ZNF257: variants seen among roughly 807,000 people sequenced by gnomAD.
ZNF257 encodes bone marrow zinc finger 4.
Under a neutral mutation model 11.9 loss-of-function variants are expected in ZNF257, and 12 were observed. That is an observed-to-expected ratio of 1.01 (90% CI 0.65 to 1.63). ZNF257 has a LOEUF of 1.63. Among genes scored for constraint, ZNF257 ranks in the 40% most tolerant of loss-of-function variants. The pLI, the probability that ZNF257 is intolerant of heterozygous loss-of-function variation, is 0.00. For missense variants in ZNF257, 580 were observed against 665.5 expected (o/e 0.87, Z 1.41); for synonymous variants, 183 against 222.7 (o/e 0.82, Z 1.59).
At position 22,073,478 on chromosome 19, in the gene ZNF257, T is replaced by C. The variant is rs753995287; in HGVS notation, c.140T>C (p.Val47Ala). 120 of 1,606,414 alleles carry C rather than the reference T, an allele frequency of 7.5e-5. 2 individuals are homozygous for C. In the East Asian group the frequency reaches 2.5e-3, roughly 34 times the overall value. ...YRNLVFLGIAVSKPDLITCLE... is the reference protein window; with the variant it reads ...YRNLVFLGIAASKPDLITCLE... ...TATTTTTAAAAAACAGGTATTGCTG[T>C]CTCTAAGCCAGACCTGATCACCTGT... Residue 47 changes from valine to alanine, a missense_variant, in exon 3 of 4, where the codon GTC (valine) becomes GCC (alanine). Transcript: ENST00000594947.
At chr19:22,087,446 A>C in intron 3 of ZNF257, 136 of 485,618 alleles carry the variant, frequency 2.8e-4, no homozygotes, top group South Asian at 4.2e-4. Flanking sequence ...TGTCTGTGGT[A>C]CTGCAGTCTG....
At chr19:22,069,622 TAAAAAC>T (rs2022048765) in intron 1 of ZNF257, among the ~76,000 whole-genome samples, 3 of 138,644 alleles carry the variant, frequency 2.2e-5, no homozygotes, top group African/African-American at 9.4e-5. Flanking sequence ...GACTCTGTCT[TAAAAAC>T]AAAAAAACAA....
At chr19:22,077,860 T>C (rs2022262879) in intron 3 of ZNF257, among the ~76,000 whole-genome samples, 2 of 152,066 alleles carry the variant, frequency 1.3e-5, no homozygotes, top group Non-Finnish European at 2.9e-5. Context: ...AAATAATGGC[T>C]ACGCTCCTGA....
At chr19:22,078,236 TAAAAAAAAA>T (rs56056830) in intron 3 of ZNF257, among the ~76,000 whole-genome samples, 1 of 102,152 alleles carries the variant, frequency 9.8e-6, no homozygotes, top group African/African-American at 3.5e-5. Flanking sequence ...AGACTCCAAC[TAAAAAAAAA>T]AAAAAAAAAA....
intron 1 of ZNF257, among the ~76,000 whole-genome samples, chr19:22,058,720 TGA>T (rs1426055379): frequency 1.3e-5 from 2 of 152,004 alleles, no homozygotes; most frequent in African/African-American, 4.8e-5. Context: ...CCTCCCAGGG[TGA>T]GAGAGGACTG....
At chr19:22,074,067 C>CT (rs34762841) in intron 3 of ZNF257, among the ~76,000 whole-genome samples, 13 of 150,170 alleles carry the variant, frequency 8.7e-5, no homozygotes, top group South Asian at 2.1e-4. Context: ...TGTCATTCTG[C>CT]TTTTTTTTTC....
rs763465801 is a variant in ZNF257 at position 22,088,540 on chromosome 19, A to T, written c.790A>T (p.Lys264Ter). ...EKPYKCEECG[K>*]AFNRSSHITQ... ...ACCCTACAAATGTGAAGAGTGTGGC[A>T]AAGCCTTTAACCGGTCTTCACACAT... Residue 264 changes from lysine (K) to a stop codon, truncating the protein, a stop_gained, in exon 4 of 4, where the codon AAA becomes TAA. Coordinates refer to ENST00000594947, the MANE Select transcript of ZNF257 (RefSeq NM_033468.4). LOFTEE classifies it low-confidence loss of function (END_TRUNC). 7.4e-6 allele frequency: 12 copies of T among 1,613,726 alleles called. 1 individual carries two copies. The South Asian group carries it at 1.3e-4, about 18-fold the overall frequency.
rs544081077 is a variant in ZNF257, at chr19:22,064,489, G to A, written c.4-8320G>A. ...ATATCAAAGCTTATTTTAAAAACAC[G>A]CAAAAGTGGAGCACAAAAATAGGAT... On this transcript the variant is annotated intron_variant, in intron 1 of 3. Transcript: ENST00000594947. Among the ~76,000 whole-genome samples, 21 of 152,116 alleles carry A rather than the reference G, an allele frequency of 1.4e-4. No homozygotes were observed. The South Asian group carries it at 4.4e-3, about 32-fold the overall frequency.
At chr19:22,061,633 T>TTC (rs2021796583) in intron 1 of ZNF257, among the ~76,000 whole-genome samples, 1 of 152,012 alleles carries the variant, frequency 6.6e-6, no homozygotes, top group African/African-American at 2.4e-5. Context: ...TTTTTTTTTT[T>TTC]CTCACCTGAT....
chr19:22,053,366 CAAAAAAAAAAAAA>C (rs61426953), intron 1 of ZNF257, among the ~76,000 whole-genome samples: 1 of 76,484 alleles, frequency 1.3e-5, no homozygotes, highest in Non-Finnish European at 2.6e-5. Flanking sequence ...GACTCCGTCT[CAAAAAAAAAAAAA>C]AAAAAAAAAA....
At chr19:22,084,064 C>T (rs989639268) in intron 3 of ZNF257, among the ~76,000 whole-genome samples, 1 of 151,010 alleles carries the variant, frequency 6.6e-6, no homozygotes, top group Non-Finnish European at 1.5e-5. Context: ...TGCTTGAACC[C>T]GGGAAGCAGA....
intron 3 of ZNF257, among the ~76,000 whole-genome samples, chr19:22,080,487 T>C (rs963076313): frequency 2.6e-5 from 4 of 152,134 alleles, no homozygotes; most frequent in African/African-American, 9.7e-5. Context: ...TACCAGTTAC[T>C]CTTGGCCTTC....
At chr19:22,084,294 T>C (rs1284791979) in intron 3 of ZNF257, among the ~76,000 whole-genome samples, 3 of 152,054 alleles carry the variant, frequency 2.0e-5, no homozygotes, top group Non-Finnish European at 2.9e-5. Flanking sequence ...AATGACTCTT[T>C]ATATGACCAT....
At chr19:22,074,643 G>GC (rs1457588558) in intron 3 of ZNF257, 6 of 152,004 alleles carry the variant, frequency 3.9e-5, no homozygotes, top group African/African-American at 1.5e-4. Context: ...TGAGCACCGC[G>GC]CCCGGCCAGA....
At chr19:22,064,821 C>T (rs1373539526) in intron 1 of ZNF257, among the ~76,000 whole-genome samples, 2 of 152,014 alleles carry the variant, frequency 1.3e-5, no homozygotes, top group Non-Finnish European at 2.9e-5. Flanking sequence ...TTTGGGAGGC[C>T]GAGGTGGGCA....
At chr19:22,067,697 T>C (rs2021989482) in intron 1 of ZNF257, among the ~76,000 whole-genome samples, 1 of 151,874 alleles carries the variant, frequency 6.6e-6, no homozygotes, top group African/African-American at 2.4e-5. Context: ...TAGCTGGGCA[T>C]GGTGGTGGGC....
At position 22,089,059 on chromosome 19, in the gene ZNF257, G is replaced by A; in HGVS notation, c.1309G>A (p.Gly437Ser). The A allele has an allele frequency of 6.2e-7, 1 of 1,613,074 alleles. No individual in the cohort carries two copies. Among genetic ancestry groups the A allele is most frequent in the Non-Finnish European group, 8.5e-7 (1 of 1,179,766 alleles). ...GAAACCCTACAAATGTGAAGAGTGT[G>A]GCAAAGCCTTTAACCGGTCTTCATA... ...GEKPYKCEEC[G>S]KAFNRSSYLI... is the part of the protein sequence containing the mutation. Residue 437 changes from glycine to serine, a missense_variant, in exon 4 of 4, where the codon GGC (glycine) becomes AGC (serine). Gly to Ser is a moderately conservative substitution (Grantham distance 56). Coordinates refer to ENST00000594947, the MANE Select transcript of ZNF257 (RefSeq NM_033468.4).
intron 3 of ZNF257, among the ~76,000 whole-genome samples, chr19:22,077,118 A>G (rs546219907): frequency 6.6e-6 from 1 of 152,298 alleles, no homozygotes; most frequent in Admixed American, 6.5e-5. Context: ...TGTTGAGACC[A>G]GCCTGGGCAG....
intron 1 of ZNF257, 44 bp from the exon 2 acceptor site, chr19:22,072,765 C>T (rs1362996419): frequency 6.3e-7 from 1 of 1,589,188 alleles, no homozygotes; most frequent in Non-Finnish European, 8.6e-7. Flanking sequence ...CTGTCCCTGA[C>T]CACTTGGTAA....
Sources: gnomAD v4.1 joint callset for allele counts (sites outside exome capture counted in the v4.1 genomes callset) on GRCh38, gnomAD v4.1.1 for gene constraint, MANE v1.5 for transcripts, NCBI Gene and HGNC (gene_info 2026-07-23, HGNC 2026-07-21) for gene names.